EIPR1: variants seen among roughly 807,000 people sequenced by gnomAD.
EIPR1 encodes the protein EARP complex and GARP complex interacting protein 1, also known as EARP and GARP complex-interacting protein 1.
In EIPR1, 25 loss-of-function variants were observed where a neutral mutation model predicts 48.1. The ratio of observed to expected loss-of-function variants is 0.52; its 90% CI spans 0.38 to 0.73. EIPR1 has a LOEUF of 0.73. EIPR1 is among the 30% of genes least tolerant of loss of function. The pLI, the probability that EIPR1 is intolerant of heterozygous loss-of-function variation, is 0.00. For synonymous variants in EIPR1, 204 were observed against 201.9 expected (o/e 1.01, Z -0.09); for missense variants, 415 against 506.2 (o/e 0.82, Z 1.73).
chr2:3,361,866 C>T (rs1267031327), intron 1 of EIPR1, among the ~76,000 whole-genome samples: 1 of 152,148 alleles, frequency 6.6e-6, no homozygotes, highest in African/African-American at 2.4e-5. Flanking sequence ...CTCCCTCACA[C>T]GGGCACCTCC....
rs918537605 is a variant in EIPR1 at position 3,194,097 on chromosome 2, C to T, written c.723G>A (p.Gln241=). ...CGTCTCCGCAGCTGGCCAAGTAGTA[C>T]TGCTTATTGGGATTAAAGTCAAGGT... ...VRDLDFNPNK[Q]YYLASCGDDC... Residue 241 remains glutamine, a synonymous_variant, in exon 7 of 9, where the codon CAG becomes CAA. Coordinates refer to ENST00000382125, the MANE Select transcript of EIPR1 (RefSeq NM_003310.5). 1 of 1,613,864 alleles carries T rather than the reference C, an allele frequency of 6.2e-7. No individual in the cohort carries two copies. The highest frequency in any genetic ancestry group is 8.5e-7 in the Non-Finnish European group (1 of 1,180,032).
intron 3 of EIPR1, among the ~76,000 whole-genome samples, chr2:3,285,884 A>G (rs10202542): frequency 0.27 from 16,710 of 61,276 alleles, 3,703 homozygotes; most frequent in African/African-American, 0.29. Flanking sequence ...AGAAGTCACC[A>G]ACTGTCTCCG....
At chr2:3,253,056 T>C (rs572052196) in intron 4 of EIPR1, among the ~76,000 whole-genome samples, 1 of 152,284 alleles carries the variant, frequency 6.6e-6, no homozygotes, top group Non-Finnish European at 1.5e-5. Context: ...AGGCTTTAAG[T>C]CTGATAGGAA....
At chr2:3,322,824 G>A (rs1558297814) in intron 3 of EIPR1, among the ~76,000 whole-genome samples, 1 of 152,208 alleles carries the variant, frequency 6.6e-6, no homozygotes, top group East Asian at 1.9e-4. Context: ...CATCAGCAAA[G>A]TGGGAAGTCC....
At chr2:3,321,198 T>C (rs1224759623) in intron 3 of EIPR1, among the ~76,000 whole-genome samples, 2 of 152,158 alleles carry the variant, frequency 1.3e-5, no homozygotes, top group Non-Finnish European at 2.9e-5. Flanking sequence ...CTTTTCAAGG[T>C]GCTATTTCTT....
intron 3 of EIPR1, among the ~76,000 whole-genome samples, chr2:3,300,667 CCAAAAA>C (rs1668738132): frequency 6.6e-6 from 1 of 151,998 alleles, no homozygotes; most frequent in African/African-American, 2.4e-5. Flanking sequence ...AAAGAATCAA[CCAAAAA>C]CAAAAACAAG....
At chr2:3,261,281 C>T (rs1667326739) in intron 3 of EIPR1, among the ~76,000 whole-genome samples, 1 of 152,128 alleles carries the variant, frequency 6.6e-6, no homozygotes, top group African/African-American at 2.4e-5. Flanking sequence ...GCCTGCCTGA[C>T]ACATGCACAC....
rs114239688 is a variant in EIPR1, at chr2:3,334,461, G to A, written c.259+3556C>T. 6.8e-4 allele frequency among the ~76,000 whole-genome samples: 104 copies of A among 152,366 alleles called. 1 individual carries two copies. The highest frequency in any genetic ancestry group is 2.2e-3 in the African/African-American group (93 of 41,592). On this transcript the variant is annotated intron_variant, in intron 3 of 8. Coordinates refer to ENST00000382125, the MANE Select transcript of EIPR1 (RefSeq NM_003310.5). ...CTCTAGAATGTTTTCCCTGCCCTGC[G>A]TTATGCACAGCAAGCTTAGGTCTGT...
chr2:3,230,795 CT>C (rs1403691706), intron 4 of EIPR1, among the ~76,000 whole-genome samples: 4 of 152,108 alleles, frequency 2.6e-5, no homozygotes, highest in Admixed American at 2.0e-4. Context: ...ATGTCTTGGG[CT>C]TTGTTCTTCT....
intron 4 of EIPR1, among the ~76,000 whole-genome samples, chr2:3,249,412 C>G (rs933731962): frequency 1.4e-5 from 2 of 146,642 alleles, no homozygotes; most frequent in Admixed American, 6.6e-5. Context: ...TCAGAAGCAA[C>G]GTATTCAAGA....
In EIPR1 at chr2:3,348,793, C is replaced by T. The variant is rs923108441; in HGVS notation, c.126+5757G>A. Among the ~76,000 whole-genome samples the T allele has an allele frequency of 5.9e-5, 9 of 152,342 alleles. No individual in the cohort carries two copies. In the East Asian group the frequency reaches 1.7e-3, roughly 29 times the overall value. ...CCAGGAGCTATTAACCCTTCCCAGC[C>T]ACCACTCCCCAGGAGAGCTGGAGCT... is the stretch of plus-strand genomic sequence containing the variant. On this transcript the variant is annotated intron_variant, in intron 2 of 8. Coordinates refer to ENST00000382125, the MANE Select transcript of EIPR1 (RefSeq NM_003310.5).
chr2:3,218,923 C>A (rs554062134), intron 4 of EIPR1, among the ~76,000 whole-genome samples: 2 of 149,804 alleles, frequency 1.3e-5, no homozygotes, highest in South Asian at 4.3e-4. Context: ...CCCCGATACG[C>A]TCTAGAGCAT....
chr2:3,192,268 G>A, intron 8 of EIPR1, 146 bp downstream of exon 8: 2 of 983,584 alleles, frequency 2.0e-6, no homozygotes, highest in Non-Finnish European at 2.8e-6. Flanking sequence ...CTGGAACTGT[G>A]AGTCCCCACA....
At chr2:3,205,164 G>A (rs969169107) in intron 5 of EIPR1, among the ~76,000 whole-genome samples, 3 of 152,186 alleles carry the variant, frequency 2.0e-5, no homozygotes, top group Non-Finnish European at 4.4e-5. Context: ...CGGCAAGCGG[G>A]AGGGGCTGGC....
At chr2:3,360,359 G>A (rs1370744421) in intron 1 of EIPR1, among the ~76,000 whole-genome samples, 3 of 150,364 alleles carry the variant, frequency 2.0e-5, no homozygotes, top group South Asian at 2.1e-4. Flanking sequence ...AACCTAGATC[G>A]TGCCATTGCA....
chr2:3,215,444 G>A (rs1054203648), intron 4 of EIPR1, among the ~76,000 whole-genome samples: 4 of 152,280 alleles, frequency 2.6e-5, no homozygotes, highest in Non-Finnish European at 4.4e-5. Flanking sequence ...TGGAGCCACC[G>A]TTTCCCATCA....
chr2:3,368,884 C>T (rs1037663581), intron 1 of EIPR1, among the ~76,000 whole-genome samples: 1 of 152,150 alleles, frequency 6.6e-6, no homozygotes, highest in Non-Finnish European at 1.5e-5. Flanking sequence ...GCGATCTTAA[C>T]GACCCTCCGT....
chr2:3,232,830 C>T (rs1281325709), intron 4 of EIPR1, among the ~76,000 whole-genome samples: 3 of 152,182 alleles, frequency 2.0e-5, no homozygotes, highest in Admixed American at 6.5e-5. Flanking sequence ...TGGCTTCTCT[C>T]CTCTCTCAAC....
chr2:3,231,934 G>A (rs182462900), intron 4 of EIPR1, among the ~76,000 whole-genome samples: 4 of 152,280 alleles, frequency 2.6e-5, no homozygotes, highest in African/African-American at 4.8e-5. Context: ...AAAATATTTC[G>A]CAGAATTCAG....
Sources: allele counts gnomAD v4.1 joint callset (sites outside exome capture counted in the v4.1 genomes callset), GRCh38; gene constraint gnomAD v4.1.1; transcripts MANE v1.5; gene names NCBI Gene and HGNC (gene_info 2026-07-23, HGNC 2026-07-21).